F13A1: variants seen among roughly 807,000 people sequenced by gnomAD.
F13A1 encodes coagulation factor XIII A chain.
In F13A1, 47 loss-of-function variants were observed where a neutral mutation model predicts 80.1. The ratio of observed to expected loss-of-function variants is 0.59; its 90% CI spans 0.46 to 0.75. The LOEUF is 0.75. F13A1 is among the 30% of genes least tolerant of loss of function. The pLI is 0.00. For synonymous variants in F13A1, 349 were observed against 344.9 expected, an observed-to-expected ratio of 1.01 and a Z score of -0.13; for missense variants, 817 against 930.4, an observed-to-expected ratio of 0.88 and a Z score of 1.59.
intron 4 of F13A1, among the ~76,000 whole-genome samples, chr6:6,265,885 T>A (rs1757836485): frequency 1.3e-5 from 2 of 152,250 alleles, no homozygotes; most frequent in Non-Finnish European, 2.9e-5. Context: ...AAGCCCAATT[T>A]GTTTACAGAG....
chr6:6,310,524 A>G (rs542227136), intron 2 of F13A1, among the ~76,000 whole-genome samples: 5 of 150,564 alleles, frequency 3.3e-5, no homozygotes, highest in African/African-American at 4.8e-5. Flanking sequence ...TGTTGTTGTT[A>G]TTATTATTAA....
intron 4 of F13A1, among the ~76,000 whole-genome samples, chr6:6,259,757 T>G (rs1757753500): frequency 6.6e-6 from 1 of 152,098 alleles, no homozygotes; most frequent in Non-Finnish European, 1.5e-5. Context: ...GCTAAGGATA[T>G]GAGGTCGAAT....
At chr6:6,272,915 A>G (rs1757941802) in intron 3 of F13A1, among the ~76,000 whole-genome samples, 1 of 152,206 alleles carries the variant, frequency 6.6e-6, no homozygotes, top group African/African-American at 2.4e-5. Context: ...TACCCACACA[A>G]AAGCACAGCT....
At chr6:6,148,751 A>G (rs1760326065) in intron 14 of F13A1, among the ~76,000 whole-genome samples, 1 of 152,130 alleles carries the variant, frequency 6.6e-6, no homozygotes, top group Non-Finnish European at 1.5e-5. Context: ...TTAGATAACA[A>G]ATGTTTTCTA....
chr6:6,313,628 T>A (rs556258145), intron 2 of F13A1, among the ~76,000 whole-genome samples: 59 of 152,214 alleles, frequency 3.9e-4, no homozygotes, highest in African/African-American at 1.4e-3. Flanking sequence ...CAATTTTTGG[T>A]AATATTGTTA....
chr6:6,316,036 A>G (rs1369855807), intron 2 of F13A1, among the ~76,000 whole-genome samples: 1 of 127,292 alleles, frequency 7.9e-6, no homozygotes, highest in Non-Finnish European at 1.7e-5. Context: ...CAGGAGATAG[A>G]CCTCCTTGTT....
chr6:6,193,554 T>G (rs974643462), intron 10 of F13A1, among the ~76,000 whole-genome samples: 5 of 152,200 alleles, frequency 3.3e-5, no homozygotes, highest in Admixed American at 6.5e-5. Context: ...GCGCAGCCCA[T>G]GCCAAAGCAA....
chr6:6,219,968 G>A (rs1179208638), intron 8 of F13A1, among the ~76,000 whole-genome samples: 1 of 152,186 alleles, frequency 6.6e-6, no homozygotes, highest in Non-Finnish European at 1.5e-5. Flanking sequence ...GATGAGTGAA[G>A]CAGGGAATAT....
intron 6 of F13A1, among the ~76,000 whole-genome samples, chr6:6,244,754 G>A (rs753810842): frequency 1.4e-4 from 22 of 152,200 alleles, no homozygotes; most frequent in Non-Finnish European, 2.8e-4. Flanking sequence ...TGCGAGGCCA[G>A]CAGAGGTGAG....
intron 8 of F13A1, among the ~76,000 whole-genome samples, chr6:6,218,779 C>T (rs994804696): frequency 3.9e-5 from 6 of 152,164 alleles, no homozygotes; most frequent in African/African-American, 1.4e-4. Flanking sequence ...TGATGGTCTG[C>T]AGTAGTAAGG....
At chr6:6,176,097 G>A (rs957614060) in intron 11 of F13A1, among the ~76,000 whole-genome samples, 2 of 152,180 alleles carry the variant, frequency 1.3e-5, no homozygotes, top group African/African-American at 4.8e-5. Flanking sequence ...GTATCCCTAA[G>A]GATAGAGATG....
intron 10 of F13A1, among the ~76,000 whole-genome samples, chr6:6,186,761 A>C (rs1318699518): frequency 6.6e-6 from 1 of 151,964 alleles, no homozygotes; most frequent in African/African-American, 2.4e-5. Flanking sequence ...TTCTGTGAAG[A>C]AAGTCACTGG....
chr6:6,210,096 T>C (rs1701143667), intron 8 of F13A1, among the ~76,000 whole-genome samples: 1 of 150,206 alleles, frequency 6.7e-6, no homozygotes, highest in African/African-American at 2.5e-5. Flanking sequence ...CCAGGTGTGG[T>C]GGGTGTGCCT....
chr6:6,224,852 G>A lies in F13A1; in HGVS notation c.807C>T (p.Ala269=), dbSNP rs1483858467. 1 of 1,614,008 alleles carries A rather than the reference G, an allele frequency of 6.2e-7. No individual in the cohort carries two copies. The highest frequency in any genetic ancestry group is 1.7e-5 in the Admixed American group (1 of 60,018). Residue 269 remains alanine, a synonymous_variant, in exon 7 of 15, where the codon GCC becomes GCT. Transcript: ENST00000264870. ...CAACGAGGACACCTTCGTCATCTTT[G>A]GCATTCACCTAAATGAGTCCGTGAG... ...VSRVGSAMVN[A]KDDEGVLVGS...
intron 3 of F13A1, among the ~76,000 whole-genome samples, chr6:6,301,819 A>G (rs888786572): frequency 1.4e-4 from 22 of 152,142 alleles, no homozygotes; most frequent in African/African-American, 5.3e-4. Context: ...ACCCCAGTCA[A>G]GGTATAAAAG....
Position 6,151,911 on chromosome 6 carries a change from C to G in F13A1, c.1947G>C (p.Val649=). 2 of 1,614,086 alleles carry G rather than the reference C, an allele frequency of 1.2e-6. No individual in the cohort carries two copies. The highest frequency in any genetic ancestry group is 1.7e-6 in the Non-Finnish European group (2 of 1,179,970). The change falls in exon 14 of 15, where the codon GTG becomes GTC. Residue 649 remains valine (V), a synonymous_variant. Coordinates refer to ENST00000264870, the MANE Select transcript of F13A1 (RefSeq NM_000129.4). ...TTAAAGGATTGGTAAACTCAACTGT[C>G]ACAGTCATGTCAGAACCAACTACCT... The part of the protein sequence containing the change: ...GTQVVGSDMT[V]TVEFTNPLKE...
intron 3 of F13A1, among the ~76,000 whole-genome samples, chr6:6,283,382 T>G (rs1448310520): frequency 6.6e-6 from 1 of 152,228 alleles, no homozygotes; most frequent in Non-Finnish European, 1.5e-5. Flanking sequence ...AACTCAAATG[T>G]GTTCTAAAGA....
intron 2 of F13A1, among the ~76,000 whole-genome samples, chr6:6,313,279 C>CTTTTTTTTTT (rs1331326098): frequency 1.2e-4 from 12 of 100,318 alleles, no homozygotes; most frequent in African/African-American, 4.9e-4. Flanking sequence ...TGCTAAGCCG[C>CTTTTTTTTTT]CTTTTTTTTT....
At chr6:6,167,171 C>T (rs925484718) in intron 13 of F13A1, among the ~76,000 whole-genome samples, 1 of 152,156 alleles carries the variant, frequency 6.6e-6, no homozygotes, top group Non-Finnish European at 1.5e-5. Context: ...TCTTTATCTT[C>T]CTCCACAAGT....
Sources: gnomAD v4.1 joint callset for allele counts (sites outside exome capture counted in the v4.1 genomes callset) on GRCh38, gnomAD v4.1.1 for gene constraint, MANE v1.5 for transcripts, NCBI Gene and HGNC (gene_info 2026-07-23, HGNC 2026-07-21) for gene names.